The following LYRM4 variants were observed in gnomAD, a reference collection of about 807,000 sequenced individuals.
LYRM4 encodes LYR motif-containing protein 4.
Under a neutral mutation model 11.7 loss-of-function variants are expected in LYRM4, and 9 were observed. The ratio of observed to expected loss-of-function variants is 0.77; its 90% CI spans 0.46 to 1.34. The LOEUF (loss-of-function observed/expected upper bound fraction) is 1.34. Among genes scored for constraint, LYRM4 ranks in the 40% most tolerant of loss-of-function variants. The probability of loss-of-function intolerance (pLI) is 0.00; values close to 1 mark genes in which losing one functional copy is unlikely to be tolerated. For missense variants in LYRM4, 133 were observed against 112.5 expected, an observed-to-expected ratio of 1.18 and a Z score of -0.82; for synonymous variants, 42 against 40.4, an observed-to-expected ratio of 1.04 and a Z score of -0.15.
Position 5,185,888 on chromosome 6 carries a change from G to A in LYRM4, c.207+30730C>T, listed in dbSNP as rs972357765. ...TGAGTTTTAGAGGGACAGAGTGGGA[G>A]GGCCAGCAGACGAGACTGGGCCAGG... On this transcript the variant is annotated intron_variant, in intron 2 of 2. Transcript: ENST00000330636. Among the ~76,000 whole-genome samples, 5 of 152,250 alleles carry A rather than the reference G, an allele frequency of 3.3e-5. No homozygotes were observed. The South Asian group carries it at 1.0e-3, about 32-fold the overall frequency.
intron 1 of LYRM4, among the ~76,000 whole-genome samples, chr6:5,222,650 T>G (rs1762645587): frequency 6.6e-6 from 1 of 151,654 alleles, no homozygotes; most frequent in South Asian, 2.1e-4. Context: ...ACCCTTAAAA[T>G]GGATGCACTT....
At chr6:5,091,147 C>T in the LYRM4 span, among the ~76,000 whole-genome samples, 50 of 152,296 alleles carry the variant, frequency 3.3e-4, 1 homozygote, top group African/African-American at 1.2e-3. Context: ...CAGCCAGTCC[C>T]CAAGATGCCA....
intron 2 of LYRM4, chr6:5,113,205 C>T (rs190309977): frequency 6.4e-4 from 223 of 345,838 alleles, no homozygotes; most frequent in Non-Finnish European, 1.2e-3. Context: ...GAGGTCGAGA[C>T]GGGTGGATCA....
intron 2 of LYRM4, among the ~76,000 whole-genome samples, chr6:5,212,068 A>G (rs1026407498): frequency 1.4e-4 from 21 of 152,232 alleles, no homozygotes; most frequent in African/African-American, 4.3e-4. Context: ...CTAAATCTCT[A>G]TGAACTACAC....
intron 2 of LYRM4, among the ~76,000 whole-genome samples, chr6:5,163,896 G>T (rs912698916): frequency 6.6e-6 from 1 of 152,064 alleles, no homozygotes; most frequent in Non-Finnish European, 1.5e-5. Flanking sequence ...ATGAGCCACT[G>T]TGCCCAGCCT....
intron 1 of LYRM4, among the ~76,000 whole-genome samples, chr6:5,233,858 G>T (rs1180920624): frequency 6.6e-6 from 1 of 152,140 alleles, no homozygotes; most frequent in African/African-American, 2.4e-5. Context: ...CTCCCAAATG[G>T]TCCCAGACCA....
At position 5,181,662 on chromosome 6, in the gene LYRM4, C is replaced by G. The variant is rs545964470; in HGVS notation, c.207+34956G>C. ...AGCAGATTCCATTCTTTCCCACGGGCCATGCTCAACTGGCCTCCCTGCCGA... is the reference window on the plus strand; with the variant it reads ...AGCAGATTCCATTCTTTCCCACGGGGCATGCTCAACTGGCCTCCCTGCCGA... On this transcript the variant is annotated intron_variant, in intron 2 of 2. Transcript: ENST00000330636. Among the ~76,000 whole-genome samples the G allele has an allele frequency of 2.0e-5, 3 of 152,264 alleles. No homozygotes were observed. The South Asian group carries it at 6.2e-4, about 32-fold the overall frequency.
chr6:5,035,936 T>A, the LYRM4 span, among the ~76,000 whole-genome samples: 1 of 150,030 alleles, frequency 6.7e-6, no homozygotes, highest in African/African-American at 2.5e-5. Context: ...TTTAATTGAT[T>A]TGATGTTGTG....
chr6:5,142,225 T>C (rs1187654547), intron 2 of LYRM4, among the ~76,000 whole-genome samples: 2 of 152,112 alleles, frequency 1.3e-5, no homozygotes, highest in Non-Finnish European at 2.9e-5. Context: ...AAAATATGGC[T>C]TCTGTGTGGC....
At chr6:5,095,429 T>C in the LYRM4 span, among the ~76,000 whole-genome samples, 1 of 152,070 alleles carries the variant, frequency 6.6e-6, no homozygotes. Flanking sequence ...CCAAGTGACA[T>C]ACAGAAAATG....
intron 1 of LYRM4, among the ~76,000 whole-genome samples, chr6:5,257,769 C>G (rs538144134): frequency 1.3e-5 from 2 of 152,318 alleles, no homozygotes; most frequent in African/African-American, 4.8e-5. Flanking sequence ...AAACCATCCC[C>G]TCCCTTGACC....
intron 2 of LYRM4, among the ~76,000 whole-genome samples, chr6:5,215,733 AAAG>A (rs1291961047): frequency 2.0e-5 from 3 of 152,210 alleles, no homozygotes; most frequent in Non-Finnish European, 4.4e-5. Context: ...TCTTGATGCT[AAAG>A]AAGCCCTTTC....
chr6:5,179,070 A>C (rs9378941), intron 2 of LYRM4, among the ~76,000 whole-genome samples: 818 of 24,734 alleles, frequency 0.033, 2 homozygotes, highest in South Asian at 0.22. Flanking sequence ...AAAAACAAAA[A>C]AAAAAAAAAA....
chr6:5,040,495 A>G, the LYRM4 span, among the ~76,000 whole-genome samples: 1 of 150,288 alleles, frequency 6.7e-6, no homozygotes, highest in Non-Finnish European at 1.5e-5. Context: ...TGAGCTCAGG[A>G]GTTCAAGACC....
At position 5,147,986 on chromosome 6, in the gene LYRM4, C is replaced by T. The variant is rs1275181625; in HGVS notation, c.208-38495G>A. On this transcript the variant is annotated intron_variant, in intron 2 of 2. Coordinates refer to ENST00000330636, the MANE Select transcript of LYRM4 (RefSeq NM_020408.6). ...CATGGAGCGGGAAAACAATCTCTGTCTTCTTTCAGTTCCAGAACACACCAA... is the reference window on the plus strand; with the variant it reads ...CATGGAGCGGGAAAACAATCTCTGTTTTCTTTCAGTTCCAGAACACACCAA... Among the ~76,000 whole-genome samples, 9 of 152,292 alleles carry T rather than the reference C, an allele frequency of 5.9e-5. No individual in the cohort carries two copies. In the East Asian group the frequency reaches 1.7e-3, roughly 29 times the overall value.
chr6:5,059,414 A>T, the LYRM4 span, among the ~76,000 whole-genome samples: 2 of 151,876 alleles, frequency 1.3e-5, no homozygotes, highest in African/African-American at 2.4e-5. Flanking sequence ...ACTAATAAAA[A>T]CTTGGTATTC....
chr6:5,037,986 G>A, the LYRM4 span, among the ~76,000 whole-genome samples: 5 of 57,552 alleles, frequency 8.7e-5, no homozygotes, highest in East Asian at 2.8e-3. Context: ...GCTGCCGGGC[G>A]GAGACGCTCC....
At chr6:5,032,920 G>C in the LYRM4 span, 2 of 152,962 alleles carry the variant, frequency 1.3e-5, no homozygotes, top group Non-Finnish European at 2.9e-5. Flanking sequence ...TCCTCCTCCT[G>C]CTGCTCTTCC....
chr6:5,173,528 CATG>C (rs1372934363), intron 2 of LYRM4, among the ~76,000 whole-genome samples: 3 of 152,200 alleles, frequency 2.0e-5, no homozygotes, highest in Non-Finnish European at 4.4e-5. Flanking sequence ...AAAAGTTAAA[CATG>C]ATGTGTAAAA....
Sources: allele counts gnomAD v4.1 joint callset (sites outside exome capture counted in the v4.1 genomes callset), GRCh38; gene constraint gnomAD v4.1.1; transcripts MANE v1.5; gene names NCBI Gene and HGNC (gene_info 2026-07-23, HGNC 2026-07-21).